Variants in CSMD1 observed in about 807,000 individuals in gnomAD.
CSMD1 encodes CUB and sushi domain-containing protein 1.
Under a neutral mutation model 417.5 loss-of-function variants are expected in CSMD1, and 213 were observed. That is an observed-to-expected ratio of 0.51 (90% CI 0.46 to 0.57). CSMD1 has a LOEUF of 0.57. Among genes scored for constraint, CSMD1 ranks in the 20% least tolerant of loss-of-function variants. The pLI is 0.00. For missense variants in CSMD1, 6,923 were observed against 4,529.7 expected, an observed-to-expected ratio of 1.53 and a Z score of -15.17; for synonymous variants, 2,862 against 1,736.8, an observed-to-expected ratio of 1.65 and a Z score of -16.11.
chr8:4,958,786 C>A (rs187817421), intron 1 of CSMD1, among the ~76,000 whole-genome samples: 1 of 152,020 alleles, frequency 6.6e-6, no homozygotes, highest in African/African-American at 2.4e-5. Context: ...GTGAAAAAAG[C>A]GGGGCTTTCA....
chr8:2,983,275 C>T (rs1391383299), intron 54 of CSMD1, among the ~76,000 whole-genome samples: 1 of 152,108 alleles, frequency 6.6e-6, no homozygotes, highest in Non-Finnish European at 1.5e-5. Flanking sequence ...CAAGCTCCAC[C>T]TGCTGGATTC....
chr8:2,974,655 A>T (rs377326682), intron 55 of CSMD1, 31 bp from the exon 56 acceptor site: 1 of 1,505,986 alleles, frequency 6.6e-7, no homozygotes, highest in Non-Finnish European at 8.9e-7. Context: ...AATTGAGTAC[A>T]TCCTTCCAGT....
chr8:3,086,439 C>CA (rs1434321648), intron 49 of CSMD1, among the ~76,000 whole-genome samples: 16 of 151,906 alleles, frequency 1.1e-4, no homozygotes, highest in Admixed American at 7.9e-4. Flanking sequence ...ATGAAACTGA[C>CA]AAAAAAGAGA....
chr8:4,269,084 T>G (rs960235649), intron 3 of CSMD1, among the ~76,000 whole-genome samples: 1 of 152,098 alleles, frequency 6.6e-6, no homozygotes, highest in Admixed American at 6.5e-5. Context: ...TGAGACGGAG[T>G]CTCACTTTGT....
In CSMD1 at chr8:4,826,700, G is replaced by A. The variant is rs1384520266; in HGVS notation, c.85+167632C>T. Among the ~76,000 whole-genome samples the A allele has an allele frequency of 2.0e-5, 3 of 152,040 alleles. No individual in the cohort carries two copies. The East Asian group carries it at 5.8e-4, about 29-fold the overall frequency. On this transcript the variant is annotated intron_variant, in intron 1 of 69. Coordinates refer to ENST00000635120, the MANE Select transcript of CSMD1 (RefSeq NM_033225.6). ...CCACTCATTCTAAGCTCCTTTCCCT[G>A]CGCTCTGCCTTTCGTGACCCTCATG...
chr8:3,106,348 T>C (rs1405201686), intron 46 of CSMD1, among the ~76,000 whole-genome samples, 180 bp downstream of exon 46: 1 of 151,968 alleles, frequency 6.6e-6, no homozygotes, highest in Non-Finnish European at 1.5e-5. Context: ...TGGTGAGCCA[T>C]GATTGCACCA....
chr8:2,942,354 A>C (rs1277365005), intron 69 of CSMD1, 118 bp downstream of exon 69: 6 of 931,840 alleles, frequency 6.4e-6, no homozygotes, highest in Non-Finnish European at 9.2e-6. Flanking sequence ...AAAAAAAAAA[A>C]AGAACATTGC....
At chr8:4,887,791 G>T (rs144396995) in intron 1 of CSMD1, among the ~76,000 whole-genome samples, 1 of 151,446 alleles carries the variant, frequency 6.6e-6, no homozygotes, top group Non-Finnish European at 1.5e-5. Flanking sequence ...GTCTCACTTC[G>T]TTTCTAGTGA....
chr8:3,983,945 G>C (rs546340340), intron 5 of CSMD1, among the ~76,000 whole-genome samples: 2 of 152,296 alleles, frequency 1.3e-5, no homozygotes, highest in South Asian at 2.1e-4. Context: ...TGCAACTCTA[G>C]AGCACATTGC....
chr8:4,580,615 C>A (rs947359601), intron 2 of CSMD1, among the ~76,000 whole-genome samples: 2 of 152,128 alleles, frequency 1.3e-5, no homozygotes, highest in East Asian at 3.9e-4. Context: ...GCTCTCTCCC[C>A]TCCTTCTTCT....
chr8:4,945,253 A>T (rs537888469), intron 1 of CSMD1, among the ~76,000 whole-genome samples: 2 of 152,302 alleles, frequency 1.3e-5, no homozygotes, highest in African/African-American at 2.4e-5. Context: ...GGAAGGGAAC[A>T]TGGGGAGTTA....
chr8:3,624,029 T>G (rs1449395810), intron 7 of CSMD1, among the ~76,000 whole-genome samples: 1 of 152,080 alleles, frequency 6.6e-6, no homozygotes, highest in Non-Finnish European at 1.5e-5. Flanking sequence ...CATAATTACC[T>G]TATGAGACAT....
chr8:4,186,159 G>A (rs1353576100), intron 3 of CSMD1, among the ~76,000 whole-genome samples: 1 of 152,168 alleles, frequency 6.6e-6, no homozygotes, highest in African/African-American at 2.4e-5. Flanking sequence ...TGGAGCATAT[G>A]AGAAGCAGTC....
chr8:4,084,151 A>T (rs1220607938), intron 3 of CSMD1, among the ~76,000 whole-genome samples: 1 of 152,158 alleles, frequency 6.6e-6, no homozygotes, highest in Non-Finnish European at 1.5e-5. Context: ...TATTTTTATA[A>T]AAGCAGAATA....
chr8:3,930,813 A>G (rs1033895849), intron 5 of CSMD1, among the ~76,000 whole-genome samples: 8 of 150,746 alleles, frequency 5.3e-5, no homozygotes, highest in Non-Finnish European at 1.2e-4. Context: ...GATTTCTTAT[A>G]AATTTGCACT....
chr8:3,963,889 G>GGAA (rs1392016374), intron 5 of CSMD1, among the ~76,000 whole-genome samples: 1 of 152,062 alleles, frequency 6.6e-6, no homozygotes, highest in African/African-American at 2.4e-5. Context: ...ACTGACACTC[G>GGAA]GAAGAATTTC....
chr8:3,581,732 G>A (rs1487090902), intron 9 of CSMD1, among the ~76,000 whole-genome samples: 2 of 152,118 alleles, frequency 1.3e-5, no homozygotes, highest in East Asian at 1.9e-4. Flanking sequence ...TGGCAGAAAC[G>A]ATCATTATCA....
At chr8:4,389,244 T>C (rs1803680409) in intron 3 of CSMD1, among the ~76,000 whole-genome samples, 1 of 152,180 alleles carries the variant, frequency 6.6e-6, no homozygotes, top group Non-Finnish European at 1.5e-5. Flanking sequence ...CCTCTTTGGG[T>C]CATATATTAA....
intron 63 of CSMD1, among the ~76,000 whole-genome samples, chr8:2,956,178 G>A (rs193187823): frequency 2.6e-4 from 39 of 152,108 alleles, no homozygotes; most frequent in Admixed American, 3.9e-4. Flanking sequence ...ATAGAGACTG[G>A]TGAATATTTA....
Sources: gnomAD v4.1 joint callset for allele counts (sites outside exome capture counted in the v4.1 genomes callset) on GRCh38, gnomAD v4.1.1 for gene constraint, MANE v1.5 for transcripts, NCBI Gene and HGNC (gene_info 2026-07-23, HGNC 2026-07-21) for gene names.